Variants in TSC1 observed in about 807,000 individuals in gnomAD.
TSC1 encodes the protein hamartin.
A neutral mutation model predicts 124.3 loss-of-function variants in TSC1; 20 were observed. The ratio of observed to expected loss-of-function variants is 0.16; its 90% CI spans 0.11 to 0.23. The LOEUF is 0.23. Ranked by LOEUF, TSC1 falls within the 10% of genes least tolerant of loss-of-function variation. TSC1 has a pLI of 1.00. For missense variants in TSC1, 1,124 were observed against 1,448.5 expected, an observed-to-expected ratio of 0.78 and a Z score of 3.64; for synonymous variants, 493 against 539.1, an observed-to-expected ratio of 0.91 and a Z score of 1.19.
chr9:132,901,542 A>T (rs562627346), intron 19 of TSC1, 47 bp downstream of exon 19: 2 of 1,504,740 alleles, frequency 1.3e-6, no homozygotes, highest in African/African-American at 1.4e-5. Flanking sequence ...GAAGAATGTT[A>T]GCAAATGGTG....
Position 132,936,482 on chromosome 9 carries a change from CAA to C in TSC1, c.-143-1389_-143-1388del, listed in dbSNP as rs554848368. Among the ~76,000 whole-genome samples the C allele has an allele frequency of 4.5e-4, 69 of 152,346 alleles. No homozygotes were observed. The South Asian group carries it at 5.8e-3, about 13-fold the overall frequency. On this transcript the variant is annotated intron_variant, in intron 1 of 22. Transcript: ENST00000298552. The stretch of plus-strand genomic sequence containing the variant: ...CAGGCAGCATGACTTAAGTTTACTA[CAA>C]AAGAGACATAAAATGTTTGTGAACA...
intron 1 of TSC1, chr9:132,940,935 T>C (rs766455180): frequency 2.0e-5 from 3 of 152,182 alleles, no homozygotes; most frequent in Non-Finnish European, 2.9e-5. Flanking sequence ...GTCTTAATGA[T>C]TGCAGACATT....
intron 1 of TSC1, among the ~76,000 whole-genome samples, 158 bp downstream of exon 1, chr9:132,944,385 G>A (rs975093909): frequency 1.3e-5 from 2 of 152,192 alleles, no homozygotes; most frequent in Admixed American, 6.5e-5. Flanking sequence ...GTAATAAGAG[G>A]GAGGGGAGAG....
At chr9:132,905,458 A>C (rs1189872935) in intron 15 of TSC1, 123 bp downstream of exon 15, 26 of 1,375,414 alleles carry the variant, frequency 1.9e-5, no homozygotes, top group Non-Finnish European at 2.6e-5. Context: ...TCTGACAAAC[A>C]GCAGAGAACC....
chr9:132,932,225 C>CATA (rs1195296405), intron 2 of TSC1, among the ~76,000 whole-genome samples: 1 of 152,190 alleles, frequency 6.6e-6, no homozygotes, highest in African/African-American at 2.4e-5. Context: ...AGGGCATGAC[C>CATA]TTCAAGGCCA....
At chr9:132,938,082 T>C (rs1471130194) in intron 1 of TSC1, among the ~76,000 whole-genome samples, 1 of 152,224 alleles carries the variant, frequency 6.6e-6, no homozygotes, top group Non-Finnish European at 1.5e-5. Context: ...GCACTAAAAA[T>C]GATAATGGTA....
chr9:132,932,793 G>A (rs1278637780), intron 2 of TSC1, among the ~76,000 whole-genome samples: 1 of 152,162 alleles, frequency 6.6e-6, no homozygotes, highest in Admixed American at 6.5e-5. Context: ...CCACATCCTT[G>A]CACAGCTGAC....
rs544931538 is a variant in TSC1, at chr9:132,892,405, G to A, written c.*3830C>T. 1.3e-3 allele frequency: 301 copies of A among 233,324 alleles called. No homozygotes were observed. Among genetic ancestry groups the A allele is most frequent in the Non-Finnish European group, 2.2e-3 (254 of 118,084 alleles). The allele number at this position is 233,324 out of a possible 1,614,324, so 14.5% of individuals were successfully genotyped here. A position where few individuals can be genotyped will look rare whatever the true frequency, so the allele number is the denominator to read the frequency against. On this transcript the variant is annotated 3_prime_UTR_variant, in exon 23 of 23. Transcript: ENST00000298552. ...ATTTTTCCAATACTTGTTGCGGGTC[G>A]GTTTTAAAGCATGTACCCTGGAGAG...
chr9:132,915,771 G>A (rs557621310), intron 8 of TSC1, among the ~76,000 whole-genome samples: 46 of 152,284 alleles, frequency 3.0e-4, no homozygotes, highest in African/African-American at 9.9e-4. Flanking sequence ...CTGAAAACAC[G>A]GTATTAAATA....
In TSC1 at chr9:132,906,245, A is replaced by G; in HGVS notation, c.1439-106T>C. The stretch of plus-strand genomic sequence containing the variant: ...CCACATGCCAGTGTCACTCAGAGAG[A>G]GGAGAAAAAGTGGCATCCGGCTGGA... On this transcript the variant is annotated intron_variant, in intron 14 of 22. Transcript: ENST00000298552. This position sits in a 1 kb window ranked among gnomAD's most constrained non-coding sequence, Gnocchi z 4.1. 1 of 1,327,504 alleles carries G rather than the reference A, an allele frequency of 7.5e-7. No individual in the cohort carries two copies. Among genetic ancestry groups the G allele is most frequent in the Non-Finnish European group, 1.1e-6 (1 of 950,326 alleles). 82.2% of individuals were successfully genotyped at this position (1,327,504 alleles called of 1,614,324 possible). A position where few individuals can be genotyped will look rare whatever the true frequency, so the allele number is the denominator to read the frequency against.
chr9:132,895,973 A>C lies in TSC1; in HGVS notation c.*262T>G. The C allele has an allele frequency of 1.9e-6, 1 of 539,686 alleles. No homozygotes were observed. The highest frequency in any genetic ancestry group is 3.4e-6 in the Non-Finnish European group (1 of 298,420). The allele number at this position is 539,686 out of a possible 1,614,324, so 33.4% of individuals were successfully genotyped here. On this transcript the variant is annotated 3_prime_UTR_variant, in exon 23 of 23. Coordinates refer to ENST00000298552, the MANE Select transcript of TSC1 (RefSeq NM_000368.5). ...AGGAAGAAAGTAAAGCTACTGAGGA[A>C]CACCAACTGGCCCTTGGATTAGAAC... is the stretch of plus-strand genomic sequence containing the variant.
chr9:132,919,700 G>A (rs1056031028), intron 8 of TSC1, among the ~76,000 whole-genome samples: 1 of 152,198 alleles, frequency 6.6e-6, no homozygotes, highest in Non-Finnish European at 1.5e-5. Context: ...TCCTGCACAG[G>A]AGAGAGGCGA....
In TSC1 at chr9:132,912,377, T is replaced by C. The variant is rs768057796; in HGVS notation, c.818A>G (p.Asp273Gly). The part of the protein sequence containing the change: ...SLDPTEASYE[D>G]GYSVSHQISA... ...GATTTGGTGAGACACAGAATAGCCA[T>C]CTTCATATGAGGCTTCTGTGGGATC... is the stretch of plus-strand genomic sequence containing the variant. Residue 273 changes from aspartate (D) to glycine (G), a missense_variant, in exon 9 of 23, where the codon GAT becomes GGT. This residue lies in a region of TSC1 where 463 missense variants were observed against 606.8 expected (regional missense o/e 0.76). Transcript: ENST00000298552. 3 of 1,614,082 alleles carry C rather than the reference T, an allele frequency of 1.9e-6. No homozygotes were observed.
At chr9:132,899,386 G>A (rs1444462611) in intron 20 of TSC1, 3 of 152,342 alleles carry the variant, frequency 2.0e-5, no homozygotes, top group Non-Finnish European at 4.4e-5. Flanking sequence ...AGGCAGTGCA[G>A]AAGAGTGGAA....
At chr9:132,922,048 T>C (rs1846598449) in intron 6 of TSC1, 75 bp from the exon 7 acceptor site, 1 of 1,587,256 alleles carries the variant, frequency 6.3e-7, no homozygotes, top group Admixed American at 1.7e-5. Context: ...TATAAACAAG[T>C]GGCTGCCAGC....
Position 132,896,579 on chromosome 9 carries a change from G to T in TSC1, c.3151C>A (p.Pro1051Thr), listed in dbSNP as rs1210523479. The T allele has an allele frequency of 6.2e-7, 1 of 1,614,042 alleles. No homozygotes were observed. The highest frequency in any genetic ancestry group is 1.1e-5 in the South Asian group (1 of 91,084). ...AATGGGCCTGCCCTCTGGTGTGGGG[G>T]TTTCTCTGGGGTAGAAAGCTCGCTG... Reference protein sequence around the residue: ...SSSELSTPEKPPHQRAGPFSS... With the variant: ...SSSELSTPEKTPHQRAGPFSS... Residue 1051 changes from proline (P) to threonine (T), a missense_variant, in exon 23 of 23, where the codon CCC (proline) becomes ACC (threonine). By Grantham distance (38) the Pro-to-Thr change is conservative (BLOSUM62 -1). Around this residue, in one of 5 missense-constraint regions of TSC1, gnomAD observed 325 missense variants for 383.4 expected, o/e 0.85. Transcript: ENST00000298552. The surrounding 1 kb of genome is among the most constrained non-coding windows in gnomAD (Gnocchi z 4.5).
At chr9:132,932,268 T>C (rs1847242272) in intron 2 of TSC1, among the ~76,000 whole-genome samples, 1 of 152,236 alleles carries the variant, frequency 6.6e-6, no homozygotes, top group Non-Finnish European at 1.5e-5. Context: ...CTCTGCCATC[T>C]TCTGGATCTC....
intron 2 of TSC1, among the ~76,000 whole-genome samples, chr9:132,929,312 GCAGA>G (rs893501459): frequency 6.6e-6 from 1 of 152,146 alleles, no homozygotes; most frequent in Non-Finnish European, 1.5e-5. Context: ...GATCTAAAAA[GCAGA>G]CAGTCTTTTT....
At chr9:132,941,967 C>G (rs1847759968) in intron 1 of TSC1, 1 of 152,220 alleles carries the variant, frequency 6.6e-6, no homozygotes. Context: ...CTATCTGACT[C>G]TCTAGAAAAG....
Sources: gnomAD v4.1 joint callset for allele counts (sites outside exome capture counted in the v4.1 genomes callset) on GRCh38, gnomAD v4.1.1 for gene constraint, gnomAD v4.1.1 regional missense constraint, Gnocchi (gnomAD v3.1) non-coding constraint, MANE v1.5 for transcripts, NCBI Gene and HGNC (gene_info 2026-07-23, HGNC 2026-07-21) for gene names.